The following PKHD1 variants were observed in gnomAD, a reference collection of about 807,000 sequenced individuals.
The protein encoded by PKHD1 is PKHD1 ciliary IPT domain containing fibrocystin/polyductin.
PKHD1 carries 291 observed loss-of-function variants against 412.0 expected under a neutral mutation model. The observed-to-expected ratio is 0.71, with a 90% CI of 0.64 to 0.78. The LOEUF (loss-of-function observed/expected upper bound fraction) is 0.78, where lower values mean the gene tolerates loss of function less well. Among genes scored for constraint, PKHD1 ranks in the 30% least tolerant of loss-of-function variants. The pLI is 0.00. For synonymous variants in PKHD1, 1,777 were observed against 1,821.5 expected, an observed-to-expected ratio of 0.98 and a Z score of 0.62; for missense variants, 4,825 against 4,950.7, an observed-to-expected ratio of 0.97 and a Z score of 0.76.
chr6:51,653,092 G>A (rs2580004), intron 61 of PKHD1, among the ~76,000 whole-genome samples: 140,611 of 152,204 alleles, frequency 0.92, 65,114 homozygotes, highest in East Asian at 1. Flanking sequence ...TAGTTAACAA[G>A]TATATGTTAA....
intron 32 of PKHD1, among the ~76,000 whole-genome samples, chr6:52,024,002 A>G (rs1801774806): frequency 6.6e-6 from 1 of 152,224 alleles, no homozygotes. Context: ...AACTATCTCA[A>G]GTGCAACAAG....
At chr6:51,873,839 A>G (rs908777921) in intron 46 of PKHD1, among the ~76,000 whole-genome samples, 1 of 152,228 alleles carries the variant, frequency 6.6e-6, no homozygotes. Context: ...AATATGCAAC[A>G]CAAGACAAAT....
At chr6:51,640,837 G>A (rs923269538) in intron 63 of PKHD1, among the ~76,000 whole-genome samples, 5 of 152,180 alleles carry the variant, frequency 3.3e-5, no homozygotes, top group African/African-American at 1.2e-4. Flanking sequence ...TTGAAGACCT[G>A]TAAATAATTG....
intron 34 of PKHD1, among the ~76,000 whole-genome samples, 191 bp downstream of exon 34, chr6:52,017,219 T>C (rs547145486): frequency 2.0e-5 from 3 of 152,304 alleles, no homozygotes; most frequent in East Asian, 1.9e-4. Context: ...TCTTAAACAG[T>C]TGAAAAAGAC....
chr6:51,850,575 G>A (rs1772026799), intron 49 of PKHD1, among the ~76,000 whole-genome samples: 1 of 152,174 alleles, frequency 6.6e-6, no homozygotes, highest in African/African-American at 2.4e-5. Context: ...TCCTTGAGCA[G>A]TGGTTTGTAG....
chr6:51,911,938 T>C lies in PKHD1; in HGVS notation c.6351A>G (p.Thr2117=), dbSNP rs766729223. 11 of 1,611,058 alleles carry C rather than the reference T, an allele frequency of 6.8e-6. No homozygotes were observed. Among genetic ancestry groups the C allele is most frequent in the Non-Finnish European group, 9.3e-6 (11 of 1,178,330 alleles). Residue 2117 remains threonine (T), a synonymous_variant, in exon 39 of 67, where the codon ACA becomes ACG. Transcript: ENST00000371117. ...KSPLRYSHNF[T]ENWVAGEHHI... ...GGTGCTCTCCAGCCACCCAATTCTC[T>C]GTAAAGTTGTGAGAATATCTGGAGA...
chr6:51,955,546 G>T (rs1164577452), intron 36 of PKHD1, among the ~76,000 whole-genome samples: 2 of 152,056 alleles, frequency 1.3e-5, no homozygotes, highest in Non-Finnish European at 2.9e-5. Context: ...GGTCCATAAA[G>T]TGTTGGTTTT....
intron 60 of PKHD1, among the ~76,000 whole-genome samples, chr6:51,697,059 C>T (rs181608352): frequency 2.6e-4 from 39 of 152,086 alleles, no homozygotes; most frequent in Admixed American, 6.5e-4. Flanking sequence ...CATGGTGACA[C>T]GCACCTGATG....
chr6:51,691,899 C>G (rs2150634064), intron 60 of PKHD1, among the ~76,000 whole-genome samples: 1 of 152,254 alleles, frequency 6.6e-6, no homozygotes, highest in Admixed American at 6.5e-5. Context: ...TAGAGATCAC[C>G]AAGCTACTAC....
At chr6:51,982,166 A>AGCCG (rs1795452867) in intron 35 of PKHD1, among the ~76,000 whole-genome samples, 1 of 22,864 alleles carries the variant, frequency 4.4e-5, no homozygotes, top group Non-Finnish European at 9.3e-5. Flanking sequence ...CCCGGCAGCC[A>AGCCG]CCCCGTCCGG....
chr6:51,990,247 A>G (rs1449126196), intron 35 of PKHD1, among the ~76,000 whole-genome samples: 1 of 151,950 alleles, frequency 6.6e-6, no homozygotes, highest in African/African-American at 2.4e-5. Context: ...AGTGGCATCA[A>G]TCGTAGCCTG....
rs931812501 is a variant in PKHD1, at chr6:51,648,238, A to G, written c.11311-120T>C. ...TAAAGCATATATTCAGTAGAAATAA[A>G]GGAAAGAAAGTGATAAATAAATGTC... On this transcript the variant is annotated intron_variant, in intron 62 of 66. Transcript: ENST00000371117. The G allele has an allele frequency of 2.0e-5, 13 of 651,832 alleles. No homozygotes were observed. In the Admixed American group the frequency reaches 2.7e-4, roughly 13 times the overall value. 40.4% of individuals were successfully genotyped at this position (651,832 alleles called of 1,614,324 possible). A position where few individuals can be genotyped will look rare whatever the true frequency, so the allele number is the denominator to read the frequency against.
chr6:51,908,375 T>G (rs1782447430), intron 40 of PKHD1, among the ~76,000 whole-genome samples: 1 of 152,130 alleles, frequency 6.6e-6, no homozygotes, highest in Non-Finnish European at 1.5e-5. Flanking sequence ...AAGTATGCCC[T>G]GATGTCCTTT....
chr6:51,623,845 C>G (rs1766925786), intron 66 of PKHD1, among the ~76,000 whole-genome samples: 1 of 152,112 alleles, frequency 6.6e-6, no homozygotes, highest in East Asian at 1.9e-4. Context: ...CTTCGGCCTC[C>G]CAAAGTGCTG....
chr6:51,647,863 C>T (rs1207375606), intron 63 of PKHD1, among the ~76,000 whole-genome samples, 168 bp downstream of exon 63: 1 of 152,150 alleles, frequency 6.6e-6, no homozygotes, highest in African/African-American at 2.4e-5. Flanking sequence ...GCCTAATCTT[C>T]CTTTTCACAG....
chr6:51,815,865 GT>G (rs1349624760), intron 52 of PKHD1, among the ~76,000 whole-genome samples: 2 of 152,154 alleles, frequency 1.3e-5, no homozygotes, highest in African/African-American at 2.4e-5. Flanking sequence ...CTTAGCTCTG[GT>G]TCCTGAAGTA....
At chr6:52,051,121 G>T (rs1806777464) in intron 21 of PKHD1, among the ~76,000 whole-genome samples, 1 of 152,210 alleles carries the variant, frequency 6.6e-6, no homozygotes, top group South Asian at 2.1e-4. Context: ...TACTTGCTCA[G>T]CTGGGTAGAT....
At position 51,903,699 on chromosome 6, in the gene PKHD1, T is replaced by C. The variant is rs1360645963; in HGVS notation, c.6894A>G (p.Arg2298=). ...CAGAAACCTGGATGATCACGTTGTT[T>C]CTTATTATATTTCCATGTCCTGACC... ...DDWSGHGNII[R]NNVIIQVSGA... is the part of the protein sequence containing the mutation. Residue 2298 remains arginine (R), a synonymous_variant, in exon 43 of 67, where the codon AGA becomes AGG. Coordinates refer to ENST00000371117, the MANE Select transcript of PKHD1 (RefSeq NM_138694.4). The C allele has an allele frequency of 6.2e-7, 1 of 1,611,734 alleles. No homozygotes were observed. Among genetic ancestry groups the C allele is most frequent in the Admixed American group, 1.7e-5 (1 of 59,964 alleles).
In PKHD1 at chr6:52,028,171, C is replaced by T; in HGVS notation, c.3545G>A (p.Ser1182Asn). Residue 1182 changes from serine (S) to asparagine (N), a missense_variant, in exon 30 of 67, where the codon AGC (serine) becomes AAC (asparagine). Ser to Asn is a conservative substitution (Grantham distance 46). Transcript: ENST00000371117. ...GTCACCTCACCCTTGTGAGTGAATG[C>T]TGACCCCATTGATAGAGACGGAAAT... The part of the protein sequence containing the change: ...HRISVSINGV[S>N]IHSQGVDLHI... The T allele has an allele frequency of 1.2e-6, 2 of 1,614,172 alleles. No homozygotes were observed. Among genetic ancestry groups the T allele is most frequent in the Non-Finnish European group, 1.7e-6 (2 of 1,179,968 alleles).
Sources: gnomAD v4.1 joint callset for allele counts (sites outside exome capture counted in the v4.1 genomes callset) on GRCh38, gnomAD v4.1.1 for gene constraint, MANE v1.5 for transcripts, NCBI Gene and HGNC (gene_info 2026-07-23, HGNC 2026-07-21) for gene names.